Variants in RHOU observed in about 807,000 individuals in gnomAD.
RHOU encodes ras homolog family member U, also known as rho-related GTP-binding protein RhoU.
In RHOU, 8 loss-of-function variants were observed where a neutral mutation model predicts 12.6. The observed-to-expected ratio is 0.64, with a 90% CI of 0.37 to 1.15. The LOEUF (loss-of-function observed/expected upper bound fraction) is 1.15. Among genes scored for constraint, RHOU ranks in the 50% most tolerant of loss-of-function variants. The pLI is 0.01. For missense variants in RHOU, 258 were observed against 347.0 expected (o/e 0.74, Z 2.04); for synonymous variants, 161 against 147.4 (o/e 1.09, Z -0.67).
chr1:228,709,837 C>CA, the RHOU span, among the ~76,000 whole-genome samples: 1 of 151,550 alleles, frequency 6.6e-6, no homozygotes, highest in African/African-American at 2.4e-5. Context: ...AATAGAGACA[C>CA]AAAAAACCCT....
the RHOU span, among the ~76,000 whole-genome samples, chr1:228,649,545 T>C: frequency 2.6e-5 from 4 of 152,228 alleles, no homozygotes; most frequent in Non-Finnish European, 5.9e-5. Context: ...CTGTATTTCA[T>C]TTTGAAGTAT....
At chr1:228,687,672 T>G in the RHOU span, 3 of 1,507,258 alleles carry the variant, frequency 2.0e-6, no homozygotes, top group Non-Finnish European at 2.7e-6. Flanking sequence ...TTTGTGTGAC[T>G]TCATTGAGAC....
the RHOU span, among the ~76,000 whole-genome samples, chr1:228,654,963 T>C: frequency 6.6e-6 from 1 of 152,220 alleles, no homozygotes; most frequent in East Asian, 1.9e-4. Context: ...ATACACAAAA[T>C]AAAAAAACAG....
the RHOU span, among the ~76,000 whole-genome samples, chr1:228,721,327 C>T: frequency 1.3e-5 from 2 of 152,224 alleles, no homozygotes; most frequent in African/African-American, 4.8e-5. Context: ...TAGAATTCGT[C>T]GCCTTGTCTT....
chr1:228,732,177 T>C (rs1662511781), upstream of RHOU, among the ~76,000 whole-genome samples: 1 of 152,200 alleles, frequency 6.6e-6, no homozygotes, highest in Non-Finnish European at 1.5e-5. Flanking sequence ...TTACCACTGC[T>C]TAAGTATTTA....
the RHOU span, among the ~76,000 whole-genome samples, chr1:228,675,816 G>A: frequency 3.3e-5 from 5 of 152,126 alleles, no homozygotes; most frequent in East Asian, 3.9e-4. Flanking sequence ...AAAAGAAGAA[G>A]CAGAGGCAAA....
At chr1:228,707,250 TATATA>T in the RHOU span, among the ~76,000 whole-genome samples, 10 of 93,092 alleles carry the variant, frequency 1.1e-4, no homozygotes, top group South Asian at 9.1e-4. Flanking sequence ...TATATATATA[TATATA>T]GTGTGTGTGT....
chr1:228,672,375 C>T, the RHOU span, among the ~76,000 whole-genome samples: 12 of 152,276 alleles, frequency 7.9e-5, no homozygotes, highest in Non-Finnish European at 1.6e-4. Flanking sequence ...GTTTGCCAGG[C>T]TGGTCTCGAA....
chr1:228,674,323 A>T, the RHOU span, among the ~76,000 whole-genome samples: 2 of 146,912 alleles, frequency 1.4e-5, no homozygotes, highest in Non-Finnish European at 3.0e-5. Flanking sequence ...TAATATACAC[A>T]TCTTTTCCTT....
At chr1:228,650,300 C>T in the RHOU span, 16 of 464,704 alleles carry the variant, frequency 3.4e-5, 1 homozygote, top group South Asian at 2.0e-4. Context: ...AAGGAGGCAG[C>T]GGCGGGCTGG....
the RHOU span, among the ~76,000 whole-genome samples, chr1:228,657,225 C>G: frequency 3.1e-5 from 4 of 129,484 alleles, no homozygotes; most frequent in African/African-American, 1.2e-4. Flanking sequence ...TGCAGTGAGC[C>G]GAGATCACAC....
chr1:228,670,170 G>C, the RHOU span, among the ~76,000 whole-genome samples: 1 of 152,204 alleles, frequency 6.6e-6, no homozygotes. Flanking sequence ...GATTTAGATG[G>C]GGTTGGGGGT....
At chr1:228,661,054 G>A in the RHOU span, among the ~76,000 whole-genome samples, 1 of 151,532 alleles carries the variant, frequency 6.6e-6, no homozygotes, top group Admixed American at 6.6e-5. Context: ...GACAAACAGA[G>A]AGCCAAATCA....
chr1:228,669,370 G>A, the RHOU span, among the ~76,000 whole-genome samples: 11 of 152,204 alleles, frequency 7.2e-5, no homozygotes, highest in East Asian at 1.4e-3. Flanking sequence ...GCTGAGCCTG[G>A]GCCAGCAACA....
chr1:228,673,633 C>T, the RHOU span, among the ~76,000 whole-genome samples: 19 of 152,176 alleles, frequency 1.2e-4, no homozygotes, highest in Non-Finnish European at 2.2e-4. Flanking sequence ...TCACTCTCTT[C>T]CTCCTGCTCT....
the RHOU span, among the ~76,000 whole-genome samples, chr1:228,729,201 G>C: frequency 2.0e-5 from 3 of 151,940 alleles, no homozygotes; most frequent in Admixed American, 2.0e-4. Flanking sequence ...GCCAAGTTTT[G>C]TCCATTTCTA....
At chr1:228,646,814 A>C in the RHOU span, among the ~76,000 whole-genome samples, 1 of 151,904 alleles carries the variant, frequency 6.6e-6, no homozygotes, top group Non-Finnish European at 1.5e-5. Flanking sequence ...GCACACACAC[A>C]CACGGTGAAA....
At chr1:228,728,816 C>A in the RHOU span, among the ~76,000 whole-genome samples, 1 of 152,162 alleles carries the variant, frequency 6.6e-6, no homozygotes, top group Non-Finnish European at 1.5e-5. Context: ...TTTCCCATGA[C>A]CCCTTTCCTT....
At chr1:228,680,869 A>G in the RHOU span, among the ~76,000 whole-genome samples, 1 of 152,138 alleles carries the variant, frequency 6.6e-6, no homozygotes, top group Admixed American at 6.5e-5. Flanking sequence ...GAAACCATGT[A>G]ATTTCGCCTA....
Sources: gnomAD v4.1 joint callset for allele counts (sites outside exome capture counted in the v4.1 genomes callset) on GRCh38, gnomAD v4.1.1 for gene constraint, MANE v1.5 for transcripts, NCBI Gene and HGNC (gene_info 2026-07-23, HGNC 2026-07-21) for gene names.